The following RB1CC1 variants were observed in gnomAD, a reference collection of about 807,000 sequenced individuals.
RB1CC1 encodes RB1-inducible coiled-coil protein 1.
A neutral mutation model predicts 177.5 loss-of-function variants in RB1CC1; 46 were observed. The ratio of observed to expected loss-of-function variants is 0.26; its 90% confidence interval spans 0.20 to 0.33. RB1CC1 has a LOEUF of 0.33. Ranked by LOEUF, RB1CC1 falls within the 10% of genes least tolerant of loss-of-function variation. RB1CC1 has a pLI of 1.00. For synonymous variants in RB1CC1, 666 were observed against 613.6 expected, an observed-to-expected ratio of 1.09 and a Z score of -1.26; for missense variants, 1,703 against 1,816.3, an observed-to-expected ratio of 0.94 and a Z score of 1.13.
intron 8 of RB1CC1, among the ~76,000 whole-genome samples, chr8:52,662,027 A>G (rs999867556): frequency 5.9e-5 from 9 of 152,084 alleles, no homozygotes; most frequent in Non-Finnish European, 1.0e-4. Context: ...CTAGAATCCT[A>G]TAACACTATC....
chr8:52,625,129 G>A (rs1041498114), intron 22 of RB1CC1, among the ~76,000 whole-genome samples: 1 of 152,048 alleles, frequency 6.6e-6, no homozygotes, highest in Non-Finnish European at 1.5e-5. Flanking sequence ...TCTATTGAAA[G>A]AACTAATAAA....
chr8:52,647,931 T>C (rs1850200478), intron 15 of RB1CC1, among the ~76,000 whole-genome samples: 1 of 152,102 alleles, frequency 6.6e-6, no homozygotes, highest in Non-Finnish European at 1.5e-5. Context: ...CCTAGAATTG[T>C]ACTAGAAAAA....
intron 20 of RB1CC1, among the ~76,000 whole-genome samples, chr8:52,634,094 GC>G (rs1279265458): frequency 6.6e-6 from 1 of 152,086 alleles, no homozygotes; most frequent in African/African-American, 2.4e-5. Flanking sequence ...TTCAGCCTGG[GC>G]AACAGAGAGA....
intron 5 of RB1CC1, among the ~76,000 whole-genome samples, chr8:52,681,166 A>AT (rs111700987): frequency 0.03 from 4,372 of 147,832 alleles, 236 homozygotes; most frequent in African/African-American, 0.1. Flanking sequence ...TAATTTTTGC[A>AT]TTTTTTTTTT....
chr8:52,642,416 G>A lies in RB1CC1; in HGVS notation c.4272C>T (p.Ser1424=), dbSNP rs79742278. 9.8e-4 allele frequency: 1,586 copies of A among 1,613,942 alleles called. 12 individuals carry two copies. In the African/African-American group the frequency reaches 0.019, roughly 20 times the overall value. ...APELPGESDR[S]AVETADEGRV... ...TTCCTTCATCTGCTGTTTCCACAGCGGATCTATCTGATTCACCTGGGAGTT... is the reference window on the plus strand; with the variant it reads ...TTCCTTCATCTGCTGTTTCCACAGCAGATCTATCTGATTCACCTGGGAGTT... Residue 1424 remains serine, a synonymous_variant, in exon 18 of 24, where the codon TCC becomes TCT. Transcript: ENST00000025008.
rs115542473 is a variant in RB1CC1, at chr8:52,713,170, G to C, written c.-167+905C>G. ...CACTTTAAATGTTTGCAGCAGACTT[G>C]AGAACATTCCCATCTGGCTGAATGT... On this transcript the variant is annotated intron_variant, in intron 1 of 23. Transcript: ENST00000025008. 5.4e-3 allele frequency among the ~76,000 whole-genome samples: 829 copies of C among 152,288 alleles called. 7 individuals carry two copies. The highest frequency in any genetic ancestry group is 0.019 in the African/African-American group (797 of 41,556).
chr8:52,640,611 C>A (rs1186794968), intron 18 of RB1CC1, among the ~76,000 whole-genome samples: 2 of 152,048 alleles, frequency 1.3e-5, no homozygotes, highest in African/African-American at 4.8e-5. Context: ...TATCATTTGG[C>A]TCTAGGTACC....
intron 15 of RB1CC1, among the ~76,000 whole-genome samples, chr8:52,649,352 A>G (rs1025904279): frequency 9.2e-5 from 14 of 152,346 alleles, no homozygotes; most frequent in African/African-American, 3.4e-4. Context: ...GCATCTCTAA[A>G]GGCTGACAGT....
intron 1 of RB1CC1, among the ~76,000 whole-genome samples, chr8:52,695,761 G>A (rs1337737495): frequency 6.6e-6 from 1 of 152,226 alleles, no homozygotes; most frequent in Non-Finnish European, 1.5e-5. Context: ...ACCCCTTCCA[G>A]ATTCTGCTCT....
rs906914542 is a variant in RB1CC1, at chr8:52,683,788, T to C, written c.199-69A>G. The C allele has an allele frequency of 3.2e-6, 5 of 1,563,396 alleles. No individual in the cohort carries two copies. In the Admixed American group the frequency reaches 9.5e-5, roughly 30 times the overall value. Reference sequence around the variant, plus strand: ...TAAATACTGAGCGTGCACATTGCCTTCAATATATGAAGCAAATAAACCTTA... The same window carrying C: ...TAAATACTGAGCGTGCACATTGCCTCCAATATATGAAGCAAATAAACCTTA... On this transcript the variant is annotated intron_variant, in intron 4 of 23. Transcript: ENST00000025008.
Position 52,685,506 on chromosome 8 carries a change from C to A in RB1CC1, c.-37G>T. 1 of 1,271,574 alleles carries A rather than the reference C, an allele frequency of 7.9e-7. No individual in the cohort carries two copies. Among genetic ancestry groups the A allele is most frequent in the South Asian group, 1.3e-5 (1 of 78,908 alleles). The allele number at this position is 1,271,574 out of a possible 1,614,324, so 78.8% of individuals were successfully genotyped here. On this transcript the variant is annotated 5_prime_UTR_variant, in exon 3 of 24. Coordinates refer to ENST00000025008, the MANE Select transcript of RB1CC1 (RefSeq NM_014781.5). ...TGAATTCTGTGAGCTTATACCTCACCCTCTGATACAGTTACTAGAAGAAAC... is the reference window on the plus strand; with the variant it reads ...TGAATTCTGTGAGCTTATACCTCACACTCTGATACAGTTACTAGAAGAAAC...
At chr8:52,701,834 TCTCA>T (rs1490293338) in intron 1 of RB1CC1, among the ~76,000 whole-genome samples, 2 of 150,638 alleles carry the variant, frequency 1.3e-5, no homozygotes, top group African/African-American at 2.4e-5. Context: ...TGAGATGGAG[TCTCA>T]CTCTGTCACC....
chr8:52,654,350 G>A (rs1850890350), intron 15 of RB1CC1, among the ~76,000 whole-genome samples: 1 of 152,166 alleles, frequency 6.6e-6, no homozygotes, highest in African/African-American at 2.4e-5. Flanking sequence ...CTTCCAGTTT[G>A]CCAATGAAAA....
chr8:52,670,512 T>A (rs1035412873), intron 7 of RB1CC1, among the ~76,000 whole-genome samples: 1 of 152,130 alleles, frequency 6.6e-6, no homozygotes, highest in Non-Finnish European at 1.5e-5. Flanking sequence ...TTAAACCCAC[T>A]CCCCTGCATA....
intron 19 of RB1CC1, among the ~76,000 whole-genome samples, chr8:52,635,412 TCAGA>T (rs1849057606): frequency 6.6e-6 from 1 of 152,112 alleles, no homozygotes; most frequent in Admixed American, 6.5e-5. Flanking sequence ...TGGATTTTTA[TCAGA>T]CAATTACACT....
In RB1CC1 at chr8:52,631,516, C is replaced by T. The variant is rs1848754418; in HGVS notation, c.4441-988G>A. On this transcript the variant is annotated intron_variant, in intron 20 of 23. Coordinates refer to ENST00000025008, the MANE Select transcript of RB1CC1 (RefSeq NM_014781.5). The stretch of plus-strand genomic sequence containing the variant: ...ATTAAACTTTCCTAGCATGTGGTTA[C>T]AGGTCTCTTTCAAAAATGTTGTAAG... Among the ~76,000 whole-genome samples, 3 of 152,184 alleles carry T rather than the reference C, an allele frequency of 2.0e-5. No homozygotes were observed. The South Asian group carries it at 6.2e-4, about 31-fold the overall frequency.
At chr8:52,684,161 T>TGTTC in intron 3 of RB1CC1, 148 bp from the exon 4 acceptor site, 3 of 952,612 alleles carry the variant, frequency 3.1e-6, no homozygotes, top group Non-Finnish European at 4.4e-6. Flanking sequence ...ATAAGCTTCC[T>TGTTC]ATTTAATGAA....
intron 16 of RB1CC1, among the ~76,000 whole-genome samples, chr8:52,644,775 C>T (rs2107): frequency 0.49 from 74,667 of 151,920 alleles, 18,876 homozygotes; most frequent in East Asian, 0.83. Flanking sequence ...TTTCAAATTC[C>T]ACAAAGACAC....
chr8:52,654,374 G>A (rs187603666), intron 15 of RB1CC1, among the ~76,000 whole-genome samples: 2 of 152,314 alleles, frequency 1.3e-5, no homozygotes, highest in East Asian at 3.9e-4. Context: ...GATGTGCAAG[G>A]TTTTGGAAGG....
Sources: allele counts gnomAD v4.1 joint callset (sites outside exome capture counted in the v4.1 genomes callset), GRCh38; gene constraint gnomAD v4.1.1; transcripts MANE v1.5; gene names NCBI Gene and HGNC (gene_info 2026-07-23, HGNC 2026-07-21).